NEURL1: variants seen among roughly 807,000 people sequenced by gnomAD.
The protein encoded by NEURL1 is neuralized E3 ubiquitin protein ligase 1, also known as E3 ubiquitin-protein ligase NEURL1.
In NEURL1, 26 loss-of-function variants were observed where a neutral mutation model predicts 41.2. The observed-to-expected ratio is 0.63, with a 90% CI of 0.46 to 0.87. The LOEUF (loss-of-function observed/expected upper bound fraction) is 0.87, where lower values mean the gene tolerates loss of function less well. Among genes scored for constraint, NEURL1 ranks in the 40% least tolerant of loss-of-function variants. NEURL1 has a pLI of 0.00. For missense variants in NEURL1, 761 were observed against 871.1 expected (o/e 0.87, Z 1.59); for synonymous variants, 400 against 402.3 (o/e 0.99, Z 0.07).
chr10:103,517,183 C>T (rs559716829), intron 1 of NEURL1, among the ~76,000 whole-genome samples: 18 of 152,236 alleles, frequency 1.2e-4, no homozygotes, highest in African/African-American at 2.4e-4. Flanking sequence ...TGTGCTACCA[C>T]GCTCAGTTGA....
At chr10:103,563,402 G>A (rs1260642317) in intron 1 of NEURL1, among the ~76,000 whole-genome samples, 1 of 152,172 alleles carries the variant, frequency 6.6e-6, no homozygotes, top group African/African-American at 2.4e-5. Context: ...CCTGGTCAGG[G>A]TTTGAACCCA....
intron 1 of NEURL1, among the ~76,000 whole-genome samples, chr10:103,553,435 G>C (rs1336199111): frequency 6.6e-6 from 1 of 152,200 alleles, no homozygotes; most frequent in Non-Finnish European, 1.5e-5. Context: ...GCACAGCTAT[G>C]AGCCGGTATG....
At chr10:103,531,572 G>T (rs760100988) in intron 1 of NEURL1, among the ~76,000 whole-genome samples, 31 of 151,522 alleles carry the variant, frequency 2.0e-4, no homozygotes, top group Non-Finnish European at 7.4e-5. Context: ...TCACTTTATT[G>T]CCCAGAGTGA....
chr10:103,515,878 G>C (rs2034193222), intron 1 of NEURL1, among the ~76,000 whole-genome samples: 1 of 152,166 alleles, frequency 6.6e-6, no homozygotes, highest in Admixed American at 6.5e-5. Flanking sequence ...GGATGCTGAA[G>C]CCTGAACTAC....
intron 1 of NEURL1, among the ~76,000 whole-genome samples, chr10:103,527,355 C>T (rs74964347): frequency 2.3e-3 from 335 of 148,792 alleles, no homozygotes; most frequent in African/African-American, 8.0e-3. Context: ...AGTGCCCTGA[C>T]ACAATCTTGG....
chr10:103,567,931 A>G (rs2035460031), intron 1 of NEURL1, among the ~76,000 whole-genome samples: 1 of 152,232 alleles, frequency 6.6e-6, no homozygotes, highest in African/African-American at 2.4e-5. Context: ...TATTTGATGC[A>G]TATGACCCAT....
At chr10:103,551,163 TG>T (rs2035024981) in intron 1 of NEURL1, among the ~76,000 whole-genome samples, 1 of 152,084 alleles carries the variant, frequency 6.6e-6, no homozygotes, top group South Asian at 2.1e-4. Context: ...TTCTGCAGGG[TG>T]GGCATTGGGT....
At chr10:103,564,472 C>T (rs2035375514) in intron 1 of NEURL1, among the ~76,000 whole-genome samples, 1 of 152,138 alleles carries the variant, frequency 6.6e-6, no homozygotes, top group South Asian at 2.1e-4. Context: ...GCAGCTGCTC[C>T]CCTAGCCTGG....
At chr10:103,570,810 G>A in intron 1 of NEURL1, 62 bp from the exon 2 acceptor site, 2 of 1,568,108 alleles carry the variant, frequency 1.3e-6, no homozygotes, top group Non-Finnish European at 1.7e-6. Context: ...CTTCCCTAGG[G>A]GACTCTGGTC....
intron 3 of NEURL1, among the ~76,000 whole-genome samples, chr10:103,580,357 G>A (rs2035760189): frequency 6.6e-6 from 1 of 152,222 alleles, no homozygotes; most frequent in African/African-American, 2.4e-5. Context: ...TCCCGGCACC[G>A]ATTATGTAAC....
At chr10:103,524,538 ATT>A (rs1261641856) in intron 1 of NEURL1, among the ~76,000 whole-genome samples, 2 of 152,046 alleles carry the variant, frequency 1.3e-5, no homozygotes, top group Non-Finnish European at 2.9e-5. Flanking sequence ...GTCCTGAAGC[ATT>A]TCTTCTATGT....
chr10:103,512,948 G>A (rs968646207), intron 1 of NEURL1, among the ~76,000 whole-genome samples: 2 of 151,886 alleles, frequency 1.3e-5, no homozygotes, highest in East Asian at 1.9e-4. Context: ...GGGTCTTCTC[G>A]TCTCTGGCTG....
intron 1 of NEURL1, among the ~76,000 whole-genome samples, chr10:103,511,141 G>A (rs1361222629): frequency 2.0e-5 from 3 of 152,204 alleles, no homozygotes; most frequent in Non-Finnish European, 4.4e-5. Context: ...CAGGTCTAGG[G>A]CAATCTCTTC....
At chr10:103,547,992 C>T (rs1404007384) in intron 1 of NEURL1, among the ~76,000 whole-genome samples, 1 of 152,168 alleles carries the variant, frequency 6.6e-6, no homozygotes, top group Non-Finnish European at 1.5e-5. Flanking sequence ...TCACCCTCCC[C>T]ATCCAGGTTC....
intron 1 of NEURL1, among the ~76,000 whole-genome samples, chr10:103,505,700 C>T (rs564944911): frequency 6.7e-6 from 1 of 150,170 alleles, no homozygotes; most frequent in Non-Finnish European, 1.5e-5. Flanking sequence ...GCACCCTAGA[C>T]GGGGCAGTAC....
chr10:103,565,352 A>AGGCCG lies in NEURL1; in HGVS notation c.86-5510_86-5506dup, dbSNP rs2035398677. Among the ~76,000 whole-genome samples, 4 of 152,212 alleles carry AGGCCG rather than the reference A, an allele frequency of 2.6e-5. No individual in the cohort carries two copies. In the South Asian group the frequency reaches 8.3e-4, roughly 32 times the overall value. On this transcript the variant is annotated intron_variant, in intron 1 of 5. Transcript: ENST00000369780. ...CAGAAGGGGCTGAGGACAGCTGCTC[A>AGGCCG]GGCCGGGCCGGGCCTGGCAGAAGAC...
At chr10:103,549,566 G>T (rs1364790882) in intron 1 of NEURL1, among the ~76,000 whole-genome samples, 1 of 152,236 alleles carries the variant, frequency 6.6e-6, no homozygotes, top group African/African-American at 2.4e-5. Context: ...CTAATGAGTA[G>T]AGAGGATGGG....
chr10:103,557,386 T>C (rs1481524414), intron 1 of NEURL1, among the ~76,000 whole-genome samples: 3 of 152,122 alleles, frequency 2.0e-5, no homozygotes, highest in Non-Finnish European at 4.4e-5. Context: ...TCCCTCCCTC[T>C]CATTTGTCCC....
intron 1 of NEURL1, among the ~76,000 whole-genome samples, chr10:103,519,779 G>C (rs1313926489): frequency 6.9e-6 from 1 of 145,236 alleles, no homozygotes; most frequent in Non-Finnish European, 1.5e-5. Context: ...TTTTGTTGTT[G>C]TTGTTGTTTC....
Sources: allele counts gnomAD v4.1 joint callset (sites outside exome capture counted in the v4.1 genomes callset), GRCh38; gene constraint gnomAD v4.1.1; transcripts MANE v1.5; gene names NCBI Gene and HGNC (gene_info 2026-07-23, HGNC 2026-07-21).